The following AGXT2 variants were observed in gnomAD, a reference collection of about 807,000 sequenced individuals.
The protein encoded by AGXT2 is alanine--glyoxylate aminotransferase 2, mitochondrial.
A neutral mutation model predicts 62.5 loss-of-function variants in AGXT2; 61 were observed. The observed-to-expected ratio is 0.98, with a 90% confidence interval of 0.79 to 1.21. The LOEUF (loss-of-function observed/expected upper bound fraction) is 1.21. Ranked by LOEUF, AGXT2 falls within the 50% of genes most tolerant of loss-of-function variation. The probability of loss-of-function intolerance (pLI) is 0.00; values close to 1 mark genes in which losing one functional copy is unlikely to be tolerated. For synonymous variants in AGXT2, 243 were observed against 218.7 expected (o/e 1.11, Z -0.98); for missense variants, 666 against 641.5 (o/e 1.04, Z -0.41).
At chr5:35,010,392 A>G (rs1022058920) in intron 11 of AGXT2, among the ~76,000 whole-genome samples, 37 of 152,182 alleles carry the variant, frequency 2.4e-4, no homozygotes, top group Non-Finnish European at 5.0e-4. Flanking sequence ...TATTTAGGAA[A>G]TAATAGGCCA....
chr5:35,026,595 A>AG, intron 7 of AGXT2, 85 bp from the exon 8 acceptor site: 1 of 701,792 alleles, frequency 1.4e-6, no homozygotes, highest in Non-Finnish European at 2.1e-6. Flanking sequence ...GAAAAACAGG[A>AG]AAAAAAAAAA....
chr5:35,009,552 T>C (rs2397417), intron 12 of AGXT2, among the ~76,000 whole-genome samples: 130,539 of 152,038 alleles, frequency 0.86, 56,130 homozygotes, highest in Non-Finnish European at 0.88. Context: ...GCCAAGATCG[T>C]ACCACTGCAC....
At chr5:35,028,324 T>G (rs1363079897) in intron 7 of AGXT2, among the ~76,000 whole-genome samples, 2 of 152,096 alleles carry the variant, frequency 1.3e-5, no homozygotes, top group Admixed American at 1.3e-4. Flanking sequence ...CCAGCTCAGT[T>G]TTCTTAGCAC....
At chr5:35,023,183 A>AG (rs1271695204) in intron 9 of AGXT2, among the ~76,000 whole-genome samples, 1 of 151,116 alleles carries the variant, frequency 6.6e-6, no homozygotes, top group Non-Finnish European at 1.5e-5. Context: ...AAAAGAAAAA[A>AG]GAAAAAAGAA....
rs43160 is a variant in AGXT2, at chr5:35,040,049, G to T, written c.177+526C>A. On this transcript the variant is annotated intron_variant, in intron 2 of 13. Transcript: ENST00000231420. ...AGTTGCCGTGTGTGTGTGCATGCAC[G>T]TGTGCATGCATAACAGAGAGAGAGA... Among the ~76,000 whole-genome samples the T allele has an allele frequency of 3.9e-5, 6 of 152,030 alleles. No individual in the cohort carries two copies. In the East Asian group the frequency reaches 1.2e-3, roughly 30 times the overall value.
chr5:35,024,987 A>G (rs986830237), intron 9 of AGXT2, among the ~76,000 whole-genome samples: 1 of 152,104 alleles, frequency 6.6e-6, no homozygotes, highest in Non-Finnish European at 1.5e-5. Flanking sequence ...AAACAAACAA[A>G]CAAAAAAACC....
chr5:35,025,771 C>A lies in AGXT2; in HGVS notation c.955G>T (p.Ala319Ser), dbSNP rs768909542. 1 of 1,614,146 alleles carries A rather than the reference C, an allele frequency of 6.2e-7. No homozygotes were observed. Among genetic ancestry groups the A allele is most frequent in the South Asian group, 1.1e-5 (1 of 91,078 alleles). ...LVRARGGVCIADEVQTGFGRL... is the reference protein window; with the variant it reads ...LVRARGGVCISDEVQTGFGRL... ...CCTTACATGCCACTTACTTCATCTG[C>A]AATGCACACGCCTCCCCTTGCTCGC... The change falls in exon 9 of 14, where the codon GCA becomes TCA. Residue 319 changes from alanine to serine, a missense_variant. By Grantham distance (99) the Ala-to-Ser change is moderately conservative. Coordinates refer to ENST00000231420, the MANE Select transcript of AGXT2 (RefSeq NM_031900.4).
At position 35,040,652 on chromosome 5, in the gene AGXT2, G is replaced by A. The variant is rs374357224; in HGVS notation, c.100C>T (p.Arg34Trp). The A allele has an allele frequency of 9.3e-6, 15 of 1,613,648 alleles. No individual in the cohort carries two copies. Among genetic ancestry groups the A allele is most frequent in the South Asian group, 7.7e-5 (7 of 91,068 alleles). Residue 34 changes from arginine to tryptophan, a missense_variant, in exon 2 of 14, where the codon CGG becomes TGG. Physicochemically the swap from Arg to Trp is moderately radical, Grantham distance 101. Coordinates refer to ENST00000231420, the MANE Select transcript of AGXT2 (RefSeq NM_031900.4). ...AGACTGAGCTTGGTTACTGATGTCC[G>A]GGAAGTACCTACTGAAAGTGAAGTG... ...MHPFLSLGTS[R>W]TSVTKLSLHT...
chr5:35,032,476 GT>G (rs1338865069), intron 7 of AGXT2, among the ~76,000 whole-genome samples: 4 of 152,134 alleles, frequency 2.6e-5, no homozygotes, highest in Non-Finnish European at 4.4e-5. Flanking sequence ...GCTGATAGTC[GT>G]TTTTTTGAGC....
At chr5:35,041,253 A>G (rs899913963) in intron 1 of AGXT2, among the ~76,000 whole-genome samples, 23 of 127,326 alleles carry the variant, frequency 1.8e-4, no homozygotes, top group African/African-American at 6.5e-4. Context: ...GGCTGCCAAC[A>G]TAAGACTGTG....
chr5:35,044,419 G>C lies in AGXT2; in HGVS notation c.88+3386C>G, dbSNP rs187429326. The stretch of plus-strand genomic sequence containing the variant: ...TTGCTGTTCGGTATCATCCGCTCCG[G>C]ACATGATCTCTCACAGCCTTCTCTG... On this transcript the variant is annotated intron_variant, in intron 1 of 13. Transcript: ENST00000231420. 7.9e-5 allele frequency among the ~76,000 whole-genome samples: 12 copies of C among 152,320 alleles called. 1 individual carries two copies. The East Asian group carries it at 1.9e-3, about 25-fold the overall frequency.
chr5:34,998,845 A>G lies in AGXT2; in HGVS notation c.1438-19T>C. 1 of 1,529,916 alleles carries G rather than the reference A, an allele frequency of 6.5e-7. No homozygotes were observed. Among genetic ancestry groups the G allele is most frequent in the Non-Finnish European group, 9.0e-7 (1 of 1,105,104 alleles). 94.8% of individuals were successfully genotyped at this position (1,529,916 alleles called of 1,614,324 possible). ...GAAATGTCTGAGGAGACACCAAAAA[A>G]TAAGAAAACAAATCATCAGAGAATC... On this transcript the variant is annotated intron_variant, in intron 13 of 13. Coordinates refer to ENST00000231420, the MANE Select transcript of AGXT2 (RefSeq NM_031900.4).
intron 13 of AGXT2, among the ~76,000 whole-genome samples, 183 bp downstream of exon 13, chr5:35,003,578 CTT>C (rs11426533): frequency 6.9e-6 from 1 of 145,306 alleles, no homozygotes. Context: ...CTGTCTCCGC[CTT>C]TTTTTTTTTT....
chr5:35,024,862 C>T (rs11956455), intron 9 of AGXT2, among the ~76,000 whole-genome samples: 44,862 of 151,874 alleles, frequency 0.3, 7,349 homozygotes, highest in Non-Finnish European at 0.38. Flanking sequence ...CCCAGCTACT[C>T]GGGAGGCTGA....
rs1171807458 is a variant in AGXT2, at chr5:35,014,027, A to G, written c.1056T>C (p.Ile352=). ...CTGCTGCCATGGGAAAGCCATTCCC[A>G]ATCCCTTTAGCCATGGTGACAATGT... ...LPDIVTMAKG[I]GNGFPMAAVI... Residue 352 remains isoleucine (I), a synonymous_variant, in exon 10 of 14, where the codon ATT becomes ATC. Transcript: ENST00000231420. 2 of 1,614,126 alleles carry G rather than the reference A, an allele frequency of 1.2e-6. No homozygotes were observed. The highest frequency in any genetic ancestry group is 8.5e-7 in the Non-Finnish European group (1 of 1,180,008).
At chr5:35,007,319 A>G (rs1766463947) in intron 12 of AGXT2, among the ~76,000 whole-genome samples, 1 of 152,244 alleles carries the variant, frequency 6.6e-6, no homozygotes, top group Non-Finnish European at 1.5e-5. Flanking sequence ...TAAGATATCC[A>G]ATCTATAGAA....
chr5:35,043,682 G>C (rs1768072677), intron 1 of AGXT2, among the ~76,000 whole-genome samples: 1 of 152,060 alleles, frequency 6.6e-6, no homozygotes, highest in Non-Finnish European at 1.5e-5. Context: ...ATAGGCACCA[G>C]CCACCATGCC....
chr5:35,022,102 A>T (rs11764905), intron 9 of AGXT2, among the ~76,000 whole-genome samples: 44,450 of 151,106 alleles, frequency 0.29, 6,955 homozygotes, highest in Non-Finnish European at 0.37. Flanking sequence ...GTGGAGAAAT[A>T]GGAACACTTT....
At chr5:35,000,902 A>C (rs1294200078) in intron 13 of AGXT2, among the ~76,000 whole-genome samples, 1 of 152,214 alleles carries the variant, frequency 6.6e-6, no homozygotes, top group Non-Finnish European at 1.5e-5. Flanking sequence ...AGTGATACAC[A>C]TTAGTAGAAA....
Sources: allele counts gnomAD v4.1 joint callset (sites outside exome capture counted in the v4.1 genomes callset), GRCh38; gene constraint gnomAD v4.1.1; transcripts MANE v1.5; gene names NCBI Gene and HGNC (gene_info 2026-07-23, HGNC 2026-07-21).